H2BC5: variants seen among roughly 807,000 people sequenced by gnomAD.
H2BC5 encodes the protein histone H2B type 1-D.
In H2BC5, 9 loss-of-function variants were observed where a neutral mutation model predicts 5.7. The ratio of observed to expected loss-of-function variants is 1.57; its 90% confidence interval spans 0.95 to 2.74. The LOEUF (loss-of-function observed/expected upper bound fraction) is 2.74, where lower values mean the gene tolerates loss of function less well. Ranked by LOEUF, H2BC5 falls within the 30% of genes most tolerant of loss-of-function variation. H2BC5 has a pLI of 0.00. For synonymous variants in H2BC5, 133 were observed against 70.9 expected (o/e 1.88, Z -4.40); for missense variants, 175 against 168.8 (o/e 1.04, Z -0.20).
downstream of H2BC5, among the ~76,000 whole-genome samples, chr6:26,159,524 G>T (rs1226074098): frequency 6.6e-6 from 1 of 152,112 alleles, no homozygotes; most frequent in Non-Finnish European, 1.5e-5. Flanking sequence ...CACTGCTGGG[G>T]AATGGATGAT....
At chr6:26,163,357 G>C (rs76388879), downstream of H2BC5, 1 of 152,122 alleles carries the variant, frequency 6.6e-6, no homozygotes, top group Non-Finnish European at 1.5e-5. Flanking sequence ...AAGCTTAACT[G>C]TGGGGCTCCC....
At chr6:26,158,789 T>G (rs555533296), downstream of H2BC5, 1 of 643,242 alleles carries the variant, frequency 1.6e-6, no homozygotes, top group African/African-American at 1.8e-5. Flanking sequence ...TTAGCTCATT[T>G]AGTATCACAT....
At chr6:26,171,187 A>G (rs1486069989) in exon 2 of H2BC5, 1 of 152,194 alleles carries the variant, frequency 6.6e-6, no homozygotes, top group Non-Finnish European at 1.5e-5. Flanking sequence ...TTACTTTTTG[A>G]GTTTATAAAC....
chr6:26,158,221 G>T lies in H2BC5; in HGVS notation c.52G>T (p.Ala18Ser). ...TGCCCCAAAGAAGGGCTCCAAGAAG[G>T]CGGTGACTAAGGCTCAGAAGAAGGA... ...APAPKKGSKK[A>S]VTKAQKKDGK... The change falls in exon 1 of 1, where the codon GCG becomes TCG. Residue 18 changes from alanine to serine, a missense_variant. Transcript: ENST00000377777. The T allele has an allele frequency of 6.2e-7, 1 of 1,614,250 alleles. No homozygotes were observed. Among genetic ancestry groups the T allele is most frequent in the Non-Finnish European group, 8.5e-7 (1 of 1,180,052 alleles).
intron 1 of H2BC5, among the ~76,000 whole-genome samples, chr6:26,169,028 T>C (rs1035006183): frequency 6.6e-6 from 1 of 151,716 alleles, no homozygotes; most frequent in Non-Finnish European, 1.5e-5. Context: ...TATGAAAAAA[T>C]TTTTAAAAAT....
At chr6:26,165,148 C>G (rs1396868176) in intron 1 of H2BC5, among the ~76,000 whole-genome samples, 1 of 152,214 alleles carries the variant, frequency 6.6e-6, no homozygotes, top group East Asian at 1.9e-4. Flanking sequence ...TGTCTATCCT[C>G]TCCCCTTGGA....
Position 26,168,733 on chromosome 6 carries a change from C to G in H2BC5, c.*10-2242C>G, listed in dbSNP as rs551590042. Among the ~76,000 whole-genome samples, 4 of 152,190 alleles carry G rather than the reference C, an allele frequency of 2.6e-5. No homozygotes were observed. The South Asian group carries it at 6.2e-4, about 24-fold the overall frequency. ...GAGACAAAGCCCATTAAAATCCCCT[C>G]ATAATATCCTGATGGACTTTTCCCA... On this transcript the variant is annotated intron_variant, in intron 1 of 1. Transcript: ENST00000289316.
At chr6:26,159,103 TTC>T (rs1561968425), downstream of H2BC5, among the ~76,000 whole-genome samples, 1 of 152,198 alleles carries the variant, frequency 6.6e-6, no homozygotes, top group Non-Finnish European at 1.5e-5. Context: ...TTGGGCCAGT[TTC>T]TGTCTGAAGC....
downstream of H2BC5, among the ~76,000 whole-genome samples, chr6:26,159,785 C>A (rs1581432989): frequency 6.6e-6 from 1 of 152,086 alleles, no homozygotes; most frequent in East Asian, 1.9e-4. Context: ...GATACATTTT[C>A]CATAACATGG....
At chr6:26,161,276 C>T (rs977756154), downstream of H2BC5, 1 of 151,876 alleles carries the variant, frequency 6.6e-6, no homozygotes. Context: ...CAAAAGTGAC[C>T]ACATAGATTT....
intron 1 of H2BC5, among the ~76,000 whole-genome samples, chr6:26,167,792 C>T (rs1764454399): frequency 1.3e-5 from 2 of 151,940 alleles, no homozygotes; most frequent in African/African-American, 4.8e-5. Context: ...TCATTGGAGA[C>T]AAAAACTTGT....
At position 26,158,247 on chromosome 6, in the gene H2BC5, C is replaced by T. The variant is rs1450981518; in HGVS notation, c.78C>T (p.Asp26=). ...KKAVTKAQKK[D]GKKRKRSRKE... ...CGGTGACTAAGGCTCAGAAGAAGGA[C>T]GGGAAGAAGCGCAAGCGCAGCCGCA... Residue 26 remains aspartate (D), a synonymous_variant, in exon 1 of 1, where the codon GAC becomes GAT. Transcript: ENST00000377777. 3 of 1,614,210 alleles carry T rather than the reference C, an allele frequency of 1.9e-6. No homozygotes were observed. Among genetic ancestry groups the T allele is most frequent in the East Asian group, 2.2e-5 (1 of 44,886 alleles).
At chr6:26,158,890 C>T (rs1764293417), downstream of H2BC5, among the ~76,000 whole-genome samples, 3 of 152,196 alleles carry the variant, frequency 2.0e-5, no homozygotes, top group South Asian at 6.2e-4. Flanking sequence ...TGATCCGGGA[C>T]TCGGTGTGGT....
intron 1 of H2BC5, among the ~76,000 whole-genome samples, chr6:26,168,265 C>T (rs1764464326): frequency 6.6e-6 from 1 of 151,994 alleles, no homozygotes; most frequent in Non-Finnish European, 1.5e-5. Flanking sequence ...TCAAGACCAG[C>T]CTGGCCAACA....
downstream of H2BC5, among the ~76,000 whole-genome samples, chr6:26,159,267 T>TTTG (rs1764308419): frequency 7.1e-6 from 1 of 141,036 alleles, no homozygotes; most frequent in African/African-American, 2.8e-5. Context: ...TTTTTTTTTT[T>TTTG]TTTTTGGCAG....
Position 26,158,382 on chromosome 6 carries a change from C to T in H2BC5, c.213C>T (p.Phe71=), listed in dbSNP as rs2113831224. Residue 71 remains phenylalanine, a synonymous_variant, in exon 1 of 1, where the codon TTC becomes TTT. Transcript: ENST00000377777. ...TGAATTCCTTCGTCAACGACATCTT[C>T]GAGCGCATCGCAGGCGAGGCTTCCC... The part of the protein sequence containing the change: ...GIMNSFVNDI[F]ERIAGEASRL... 9 of 1,614,262 alleles carry T rather than the reference C, an allele frequency of 5.6e-6. No individual in the cohort carries two copies. The highest frequency in any genetic ancestry group is 1.1e-5 in the South Asian group (1 of 91,092).
downstream of H2BC5, chr6:26,158,648 G>T (rs1764284835): frequency 1.3e-6 from 2 of 1,531,374 alleles, no homozygotes; most frequent in African/African-American, 1.4e-5. Flanking sequence ...ATTCAAAAGG[G>T]GGGTTATTGG....
chr6:26,158,941 C>T (rs1007924316), downstream of H2BC5, among the ~76,000 whole-genome samples: 1 of 152,212 alleles, frequency 6.6e-6, no homozygotes, highest in Admixed American at 6.5e-5. Flanking sequence ...CTCTTGACAA[C>T]TTCCTTATGT....
chr6:26,162,528 T>G (rs1159744089), downstream of H2BC5, among the ~76,000 whole-genome samples: 1 of 152,064 alleles, frequency 6.6e-6, no homozygotes, highest in Admixed American at 6.6e-5. Context: ...GTTAATGTAG[T>G]TTTTGGTTTT....
Sources: allele counts gnomAD v4.1 joint callset (sites outside exome capture counted in the v4.1 genomes callset), GRCh38; gene constraint gnomAD v4.1.1; transcripts MANE v1.5; gene names NCBI Gene and HGNC (gene_info 2026-07-23, HGNC 2026-07-21).